AK5: variants seen among roughly 807,000 people sequenced by gnomAD.
The protein encoded by AK5 is adenylate kinase 5.
A neutral mutation model predicts 69.5 loss-of-function variants in AK5; 27 were observed. That is an observed-to-expected ratio of 0.39 (90% CI 0.29 to 0.54). The LOEUF (loss-of-function observed/expected upper bound fraction) is 0.54, where lower values mean the gene tolerates loss of function less well. Ranked by LOEUF, AK5 falls within the 20% of genes least tolerant of loss-of-function variation. The pLI is 0.71. For synonymous variants in AK5, 260 were observed against 244.4 expected, an observed-to-expected ratio of 1.06 and a Z score of -0.60; for missense variants, 531 against 700.4, an observed-to-expected ratio of 0.76 and a Z score of 2.73.
chr1:77,338,383 G>T (rs964048402), intron 5 of AK5, among the ~76,000 whole-genome samples: 1 of 152,180 alleles, frequency 6.6e-6, no homozygotes, highest in Non-Finnish European at 1.5e-5. Flanking sequence ...ATTTAGGAAA[G>T]GAGTGTTGCT....
At chr1:77,508,372 C>G (rs1459937812) in intron 10 of AK5, among the ~76,000 whole-genome samples, 1 of 152,154 alleles carries the variant, frequency 6.6e-6, no homozygotes, top group African/African-American at 2.4e-5. Context: ...AGGAATTTTT[C>G]CAAACAACTC....
intron 8 of AK5, among the ~76,000 whole-genome samples, chr1:77,437,015 A>G (rs572242168): frequency 1.3e-5 from 2 of 152,296 alleles, no homozygotes; most frequent in South Asian, 4.1e-4. Flanking sequence ...GTTCTATGAC[A>G]TTCATGTCAA....
intron 9 of AK5, among the ~76,000 whole-genome samples, chr1:77,484,206 A>G (rs1308491332): frequency 2.6e-5 from 4 of 152,004 alleles, no homozygotes; most frequent in Non-Finnish European, 4.4e-5. Flanking sequence ...TCCACCCATA[A>G]CTAGCTATGC....
At chr1:77,440,720 G>T (rs772701217) in intron 8 of AK5, among the ~76,000 whole-genome samples, 28 of 151,364 alleles carry the variant, frequency 1.8e-4, no homozygotes, top group Admixed American at 9.9e-4. Flanking sequence ...ATTTATAATG[G>T]CCTATATTCA....
At chr1:77,458,669 T>A (rs1653646326) in intron 8 of AK5, among the ~76,000 whole-genome samples, 1 of 152,134 alleles carries the variant, frequency 6.6e-6, no homozygotes, top group Non-Finnish European at 1.5e-5. Flanking sequence ...CTTGTGAGAC[T>A]CATTCACTAT....
chr1:77,474,912 C>G (rs932564407), intron 8 of AK5, among the ~76,000 whole-genome samples: 4 of 152,136 alleles, frequency 2.6e-5, no homozygotes, highest in Admixed American at 6.5e-5. Context: ...TCAAGTGATC[C>G]TCCCACCTCA....
intron 4 of AK5, 30 bp downstream of exon 4, chr1:77,297,758 C>A (rs1225153184): frequency 6.2e-7 from 1 of 1,604,610 alleles, no homozygotes; most frequent in African/African-American, 1.3e-5. Flanking sequence ...TTTTATTCTG[C>A]AAAATGTTTT....
At chr1:77,541,290 G>A (rs1037289953) in intron 13 of AK5, among the ~76,000 whole-genome samples, 5 of 152,120 alleles carry the variant, frequency 3.3e-5, no homozygotes, top group Admixed American at 6.5e-5. Context: ...CAGGCGTGGT[G>A]GAACACATCT....
intron 5 of AK5, among the ~76,000 whole-genome samples, chr1:77,328,449 G>A (rs1254817099): frequency 6.6e-6 from 1 of 151,548 alleles, no homozygotes; most frequent in East Asian, 1.9e-4. Context: ...GCAGTGAGCC[G>A]AGATCGCACC....
intron 6 of AK5, among the ~76,000 whole-genome samples, chr1:77,390,628 A>G (rs1349091954): frequency 6.6e-6 from 1 of 152,248 alleles, no homozygotes; most frequent in South Asian, 2.1e-4. Context: ...AAAATCACCA[A>G]TCTGTTTTAA....
At chr1:77,427,529 G>A (rs1433791403) in intron 8 of AK5, among the ~76,000 whole-genome samples, 3 of 152,176 alleles carry the variant, frequency 2.0e-5, no homozygotes, top group East Asian at 1.9e-4. Context: ...TAGGTTCACT[G>A]GTGAATTTTA....
chr1:77,364,681 A>G (rs1646921162), intron 6 of AK5, among the ~76,000 whole-genome samples: 1 of 152,100 alleles, frequency 6.6e-6, no homozygotes, highest in African/African-American at 2.4e-5. Flanking sequence ...TTCCATCTGT[A>G]TTGCTGCAAA....
At chr1:77,380,237 A>G (rs1190330356) in intron 6 of AK5, among the ~76,000 whole-genome samples, 1 of 152,186 alleles carries the variant, frequency 6.6e-6, no homozygotes, top group Non-Finnish European at 1.5e-5. Context: ...GCAAAACCCA[A>G]GCCTAGAGCC....
At chr1:77,529,952 C>T (rs116069454) in intron 12 of AK5, among the ~76,000 whole-genome samples, 2,389 of 152,272 alleles carry the variant, frequency 0.016, 17 homozygotes, top group Non-Finnish European at 0.026. Flanking sequence ...ACATAACTCT[C>T]GTGGAGGTGG....
At chr1:77,284,385 T>C (rs1441443465) in intron 1 of AK5, among the ~76,000 whole-genome samples, 2 of 152,208 alleles carry the variant, frequency 1.3e-5, no homozygotes, top group Non-Finnish European at 2.9e-5. Flanking sequence ...ACCAAGACAT[T>C]GGCCCCAGCT....
chr1:77,321,645 G>A (rs570775113), intron 5 of AK5, among the ~76,000 whole-genome samples: 6 of 152,252 alleles, frequency 3.9e-5, no homozygotes, highest in East Asian at 3.9e-4. Context: ...TATAGCTAAC[G>A]TCATACTTAA....
chr1:77,418,824 T>C (rs538448798), intron 8 of AK5, among the ~76,000 whole-genome samples: 1 of 152,286 alleles, frequency 6.6e-6, no homozygotes, highest in African/African-American at 2.4e-5. Context: ...GTATATTTCA[T>C]ATACGTATTC....
chr1:77,350,965 A>G (rs970077317), intron 6 of AK5, among the ~76,000 whole-genome samples: 3 of 152,364 alleles, frequency 2.0e-5, no homozygotes, highest in African/African-American at 7.2e-5. Context: ...AATTAATTCA[A>G]TCGTTATACA....
chr1:77,417,855 AC>A (rs1182130017), intron 8 of AK5, 140 bp downstream of exon 8: 1 of 544,126 alleles, frequency 1.8e-6, no homozygotes, highest in African/African-American at 1.9e-5. Context: ...ATGATAAATT[AC>A]AGTAGTCTAC....
Sources: gnomAD v4.1 joint callset for allele counts (sites outside exome capture counted in the v4.1 genomes callset) on GRCh38, gnomAD v4.1.1 for gene constraint, MANE v1.5 for transcripts, NCBI Gene and HGNC (gene_info 2026-07-23, HGNC 2026-07-21) for gene names.